The following PXDNL variants were observed in gnomAD, a reference collection of about 807,000 sequenced individuals.
The protein encoded by PXDNL is probable oxidoreductase PXDNL.
A neutral mutation model predicts 150.8 loss-of-function variants in PXDNL; 145 were observed. That is an observed-to-expected ratio of 0.96 (90% CI 0.84 to 1.10). PXDNL has a LOEUF of 1.10. Ranked by LOEUF, PXDNL falls within the 50% of genes least tolerant of loss-of-function variation. PXDNL has a pLI of 0.00. For missense variants in PXDNL, 2,087 were observed against 1,873.9 expected, an observed-to-expected ratio of 1.11 and a Z score of -2.10; for synonymous variants, 757 against 725.7, an observed-to-expected ratio of 1.04 and a Z score of -0.69.
intron 13 of PXDNL, among the ~76,000 whole-genome samples, chr8:51,424,340 G>T (rs1809033664): frequency 6.6e-6 from 1 of 152,116 alleles, no homozygotes; most frequent in Non-Finnish European, 1.5e-5. Context: ...CTGTACTGTA[G>T]CCTGGGCAAC....
At chr8:51,342,620 C>A (rs923788353) in intron 20 of PXDNL, among the ~76,000 whole-genome samples, 1 of 152,090 alleles carries the variant, frequency 6.6e-6, no homozygotes, top group Non-Finnish European at 1.5e-5. Flanking sequence ...ATGCCCTCTG[C>A]CTGGGAGCAG....
In PXDNL at chr8:51,450,031, G is replaced by A. The variant is rs1264975865; in HGVS notation, c.1250-913C>T. 7.2e-5 allele frequency among the ~76,000 whole-genome samples: 11 copies of A among 152,200 alleles called. No homozygotes were observed. The East Asian group carries it at 1.2e-3, about 16-fold the overall frequency. ...TATTTCTCGATTATGTGCTAAACAT[G>A]GGGTGGATTATTTACGAGTTTTCTG... On this transcript the variant is annotated intron_variant, in intron 10 of 22. Transcript: ENST00000356297.
chr8:51,467,076 G>C (rs1490466389), intron 8 of PXDNL, among the ~76,000 whole-genome samples: 3 of 152,082 alleles, frequency 2.0e-5, no homozygotes, highest in Non-Finnish European at 4.4e-5. Flanking sequence ...CTACCAAAAA[G>C]ACCCATGTGT....
chr8:51,449,993 G>A (rs2129948330), intron 10 of PXDNL, among the ~76,000 whole-genome samples: 1 of 152,338 alleles, frequency 6.6e-6, no homozygotes, highest in East Asian at 1.9e-4. Context: ...GCTGGGCTGA[G>A]TATACTTACA....
At chr8:51,614,364 C>T (rs142178468) in intron 2 of PXDNL, among the ~76,000 whole-genome samples, 9 of 152,350 alleles carry the variant, frequency 5.9e-5, no homozygotes, top group Non-Finnish European at 7.3e-5. Context: ...TCTTGTAACA[C>T]GCAGCTGAGT....
chr8:51,556,997 T>C (rs1812614662), intron 3 of PXDNL, 86 bp from the exon 4 acceptor site: 2 of 761,172 alleles, frequency 2.6e-6, no homozygotes, highest in Admixed American at 2.3e-5. Context: ...CTATAAGCTG[T>C]GGACCTTAGG....
chr8:51,447,822 G>A (rs57605214), intron 11 of PXDNL, among the ~76,000 whole-genome samples: 16,484 of 152,184 alleles, frequency 0.11, 1,000 homozygotes, highest in Middle Eastern at 0.22. Context: ...CCTATTGAGC[G>A]TACACACACT....
chr8:51,497,023 G>C (rs991172795), intron 5 of PXDNL, among the ~76,000 whole-genome samples: 1 of 152,124 alleles, frequency 6.6e-6, no homozygotes, highest in African/African-American at 2.4e-5. Flanking sequence ...CACCCTACCT[G>C]ACTTCAAACT....
At chr8:51,557,518 G>T (rs1277998900) in intron 3 of PXDNL, among the ~76,000 whole-genome samples, 1 of 152,102 alleles carries the variant, frequency 6.6e-6, no homozygotes, top group Non-Finnish European at 1.5e-5. Flanking sequence ...GGTTAGTAAG[G>T]TGATTTCTTC....
chr8:51,322,707 C>T (rs933983424), intron 21 of PXDNL, among the ~76,000 whole-genome samples: 1 of 152,130 alleles, frequency 6.6e-6, no homozygotes, highest in African/African-American at 2.4e-5. Flanking sequence ...CAAAAAATCA[C>T]GATGAACTCA....
At chr8:51,352,782 T>C (rs1437701531) in intron 19 of PXDNL, among the ~76,000 whole-genome samples, 1 of 151,718 alleles carries the variant, frequency 6.6e-6, no homozygotes, top group Non-Finnish European at 1.5e-5. Context: ...ATAAAAAGAG[T>C]GAAATCATGT....
intron 17 of PXDNL, among the ~76,000 whole-genome samples, chr8:51,392,548 A>T (rs150532691): frequency 0.03 from 4,555 of 152,174 alleles, 175 homozygotes; most frequent in African/African-American, 0.088. Flanking sequence ...TTTGTCTGTT[A>T]TTGGTGTACA....
chr8:51,378,313 A>G (rs900825240), intron 17 of PXDNL, among the ~76,000 whole-genome samples: 1 of 152,038 alleles, frequency 6.6e-6, no homozygotes, highest in Admixed American at 6.5e-5. Context: ...AAGGTTTGTA[A>G]ATGCACCAAT....
intron 21 of PXDNL, among the ~76,000 whole-genome samples, chr8:51,332,746 C>T (rs1389291801): frequency 3.9e-5 from 6 of 152,012 alleles, no homozygotes; most frequent in South Asian, 2.1e-4. Context: ...ATTCAGGCCT[C>T]GAAGACAAGG....
At chr8:51,646,571 T>C (rs907911359) in intron 2 of PXDNL, among the ~76,000 whole-genome samples, 2 of 152,082 alleles carry the variant, frequency 1.3e-5, no homozygotes, top group African/African-American at 4.8e-5. Flanking sequence ...ACGGTTACCT[T>C]TCAGTGGCGT....
Position 51,700,880 on chromosome 8 carries a change from A to ATATACATACACAATATACTCC in PXDNL, c.165-46141_165-46121dup, listed in dbSNP as rs1313541369. On this transcript the variant is annotated intron_variant, in intron 1 of 22. Transcript: ENST00000356297. ...AATATATACACATATACACACACTC[A>ATATACATACACAATATACTCC]TATACATACACAATATACTCCTATA... Among the ~76,000 whole-genome samples, 668 of 151,946 alleles carry ATATACATACACAATATACTCC rather than the reference A, an allele frequency of 4.4e-3. 3 individuals are homozygous for ATATACATACACAATATACTCC. The highest frequency in any genetic ancestry group is 0.015 in the African/African-American group (620 of 41,394).
chr8:51,379,354 T>C (rs1586052134), intron 17 of PXDNL, among the ~76,000 whole-genome samples: 2 of 152,168 alleles, frequency 1.3e-5, no homozygotes, highest in Admixed American at 6.5e-5. Flanking sequence ...CCTGAAAATA[T>C]GTCTTTTTCA....
intron 1 of PXDNL, among the ~76,000 whole-genome samples, chr8:51,684,551 T>A (rs1815831176): frequency 6.6e-6 from 1 of 152,246 alleles, no homozygotes; most frequent in Non-Finnish European, 1.5e-5. Flanking sequence ...GATGTCACTG[T>A]GTGATTATAC....
chr8:51,636,966 C>T (rs1367098391), intron 2 of PXDNL, among the ~76,000 whole-genome samples: 5 of 152,100 alleles, frequency 3.3e-5, no homozygotes, highest in Admixed American at 2.6e-4. Flanking sequence ...TGACACCTCA[C>T]ACGGCTGGGT....
Sources: gnomAD v4.1 joint callset for allele counts (sites outside exome capture counted in the v4.1 genomes callset) on GRCh38, gnomAD v4.1.1 for gene constraint, MANE v1.5 for transcripts, NCBI Gene and HGNC (gene_info 2026-07-23, HGNC 2026-07-21) for gene names.